Variants in DOCK7 observed in about 807,000 individuals in gnomAD.
DOCK7 encodes dedicator of cytokinesis 7, also known as dedicator of cytokinesis protein 7.
DOCK7 carries 138 observed loss-of-function variants against 271.0 expected under a neutral mutation model. The ratio of observed to expected loss-of-function variants is 0.51; its 90% CI spans 0.44 to 0.59. The LOEUF (loss-of-function observed/expected upper bound fraction) is 0.59. DOCK7 is among the 20% of genes least tolerant of loss of function. DOCK7 has a pLI of 0.00. For missense variants in DOCK7, 2,066 were observed against 2,592.4 expected (o/e 0.80, Z 4.41); for synonymous variants, 823 against 876.1 (o/e 0.94, Z 1.07).
rs202156787 is a variant in DOCK7 at position 62,642,880 on chromosome 1, C to CA, written c.818+4810dup. Reference sequence around the variant, plus strand: ...TATTTACCTCATCATTTGCAGATTTCAAAAAAATGAATGCAAATTCTTTGC... The same window carrying CA: ...TATTTACCTCATCATTTGCAGATTTCAAAAAAAATGAATGCAAATTCTTTGC... On this transcript the variant is annotated intron_variant, in intron 7 of 49. Transcript: ENST00000635253. 9.4e-3 allele frequency among the ~76,000 whole-genome samples: 1,429 copies of CA among 152,156 alleles called. 7 individuals carry two copies. Among genetic ancestry groups the CA allele is most frequent in the Non-Finnish European group, 0.014 (949 of 67,982 alleles).
At chr1:62,684,561 T>A (rs2149785010) in intron 1 of DOCK7, among the ~76,000 whole-genome samples, 1 of 152,310 alleles carries the variant, frequency 6.6e-6, no homozygotes, top group Admixed American at 6.5e-5. Flanking sequence ...ATTTTCTGCC[T>A]CTCTGGGTTA....
chr1:62,608,069 G>A (rs764903375), intron 14 of DOCK7: 4 of 152,100 alleles, frequency 2.6e-5, no homozygotes, highest in Non-Finnish European at 2.9e-5. Context: ...GCAACAGAGT[G>A]AGACTCTGTC....
intron 44 of DOCK7, among the ~76,000 whole-genome samples, 167 bp downstream of exon 44, chr1:62,477,533 A>T (rs1467472077): frequency 6.6e-6 from 1 of 152,246 alleles, no homozygotes; most frequent in Non-Finnish European, 1.5e-5. Flanking sequence ...CTGCCATAAA[A>T]GATTTGAAAG....
At chr1:62,659,159 A>G (rs1486431238) in intron 2 of DOCK7, among the ~76,000 whole-genome samples, 2 of 152,212 alleles carry the variant, frequency 1.3e-5, no homozygotes, top group African/African-American at 4.8e-5. Context: ...AGCACGAGCA[A>G]AAAATATAGG....
In DOCK7 at chr1:62,585,631, C is replaced by T. The variant is rs149418274; in HGVS notation, c.1800+876G>A. On this transcript the variant is annotated intron_variant, in intron 15 of 49. Transcript: ENST00000635253. Reference sequence around the variant, plus strand: ...AACTCACCACTGTCATTACTGTTCACAGGCATTCCCCAACTTGAAATGCTT... The same window carrying T: ...AACTCACCACTGTCATTACTGTTCATAGGCATTCCCCAACTTGAAATGCTT... 3.6e-3 allele frequency among the ~76,000 whole-genome samples: 554 copies of T among 152,254 alleles called. 2 individuals carry two copies. The highest frequency in any genetic ancestry group is 0.013 in the African/African-American group (536 of 41,554).
chr1:62,498,837 T>G (rs1228173424), intron 37 of DOCK7, among the ~76,000 whole-genome samples: 1 of 151,980 alleles, frequency 6.6e-6, no homozygotes, highest in Non-Finnish European at 1.5e-5. Context: ...AGTCTTACTC[T>G]GTCACCCAGG....
In DOCK7 at chr1:62,497,967, T is replaced by TA. The variant is rs565062430; in HGVS notation, c.4765-1471dup. 2.3e-3 allele frequency among the ~76,000 whole-genome samples: 335 copies of TA among 148,460 alleles called. 3 individuals carry two copies. Among genetic ancestry groups the TA allele is most frequent in the Admixed American group, 0.011 (170 of 14,832 alleles). On this transcript the variant is annotated intron_variant, in intron 37 of 49. Coordinates refer to ENST00000635253, the MANE Select transcript of DOCK7 (RefSeq NM_001367561.1). The stretch of plus-strand genomic sequence containing the variant: ...AGCCATAACCATCAAAAAGTGCTTT[T>TA]AAAAAAAAAAGGGGGCTGGGCATGG...
At chr1:62,635,029 A>C in intron 8 of DOCK7, 107 bp from the exon 9 acceptor site, 1 of 585,752 alleles carries the variant, frequency 1.7e-6, no homozygotes, top group African/African-American at 1.9e-5. Context: ...TTTCAATGAA[A>C]CAATAATCTG....
intron 14 of DOCK7, among the ~76,000 whole-genome samples, chr1:62,600,847 A>T (rs151095319): frequency 1.4e-3 from 207 of 151,928 alleles, no homozygotes; most frequent in African/African-American, 4.8e-3. Flanking sequence ...TTTCCGACCA[A>T]TGTCTGCTTT....
At chr1:62,515,416 GAC>G (rs1415076033) in intron 31 of DOCK7, among the ~76,000 whole-genome samples, 1 of 152,174 alleles carries the variant, frequency 6.6e-6, no homozygotes, top group Non-Finnish European at 1.5e-5. Context: ...TTATTTTAAA[GAC>G]AGACACTTTT....
intron 7 of DOCK7, among the ~76,000 whole-genome samples, chr1:62,643,065 A>C (rs1656232911): frequency 6.6e-6 from 1 of 152,132 alleles, no homozygotes; most frequent in Non-Finnish European, 1.5e-5. Context: ...CCCTTCCACC[A>C]CTACATGAAC....
chr1:62,586,371 C>T, intron 15 of DOCK7, 136 bp downstream of exon 15: 1 of 612,924 alleles, frequency 1.6e-6, no homozygotes. Context: ...ACTATCTATA[C>T]AGAAAGTAAT....
intron 14 of DOCK7, among the ~76,000 whole-genome samples, chr1:62,594,315 T>G (rs1242812844): frequency 6.6e-6 from 1 of 152,042 alleles, no homozygotes; most frequent in Non-Finnish European, 1.5e-5. Flanking sequence ...CTGCAGTTTA[T>G]AATTAGGCAA....
At chr1:62,688,166 G>A in intron 1 of DOCK7, 61 bp downstream of exon 1, 1 of 1,325,042 alleles carries the variant, frequency 7.5e-7, no homozygotes, top group East Asian at 3.4e-5. Flanking sequence ...GCCAGGCCTG[G>A]GAGGACTCCG....
chr1:62,598,766 T>C, intron 14 of DOCK7: 1 of 1,610,026 alleles, frequency 6.2e-7, no homozygotes. Flanking sequence ...TATAAACAAT[T>C]AAACCAACAG....
chr1:62,618,352 A>C lies in DOCK7; in HGVS notation c.1682+354T>G, dbSNP rs371211115. Among the ~76,000 whole-genome samples, 5 of 152,308 alleles carry C rather than the reference A, an allele frequency of 3.3e-5. No individual in the cohort carries two copies. The East Asian group carries it at 9.6e-4, about 29-fold the overall frequency. On this transcript the variant is annotated intron_variant, in intron 14 of 49. Coordinates refer to ENST00000635253, the MANE Select transcript of DOCK7 (RefSeq NM_001367561.1). ...AGTAATTAGGAGTTCAAATGTTTTA[A>C]CCTAAAGGCCCAGGAATCAAATCCC...
In DOCK7 at chr1:62,512,021, A is replaced by G. The variant is rs1571348409; in HGVS notation, c.4283-1348T>C. Among the ~76,000 whole-genome samples the G allele has an allele frequency of 2.0e-5, 3 of 152,320 alleles. No individual in the cohort carries two copies. The South Asian group carries it at 6.2e-4, about 32-fold the overall frequency. ...ATAAGACAAGAAGACTTCAATTGTT[A>G]TATTCAAACAAACCCAAAAGTACAC... is the stretch of plus-strand genomic sequence containing the variant. On this transcript the variant is annotated intron_variant, in intron 33 of 49. Transcript: ENST00000635253.
At chr1:62,473,729 G>A (rs193056241) in intron 48 of DOCK7, among the ~76,000 whole-genome samples, 2 of 152,064 alleles carry the variant, frequency 1.3e-5, no homozygotes, top group African/African-American at 4.8e-5. Context: ...CACTACAGGC[G>A]CACAACCTAC....
chr1:62,617,590 A>G lies in DOCK7; in HGVS notation c.1682+1116T>C, dbSNP rs543925299. Among the ~76,000 whole-genome samples, 81 of 152,162 alleles carry G rather than the reference A, an allele frequency of 5.3e-4. No individual in the cohort carries two copies. The East Asian group carries it at 0.015, about 28-fold the overall frequency. On this transcript the variant is annotated intron_variant, in intron 14 of 49. Coordinates refer to ENST00000635253, the MANE Select transcript of DOCK7 (RefSeq NM_001367561.1). ...AATGTGCTTTAACTATAAAATACAC[A>G]CTAGATTTTGAAGTTAGCAGAAGAG...
Sources: allele counts gnomAD v4.1 joint callset (sites outside exome capture counted in the v4.1 genomes callset), GRCh38; gene constraint gnomAD v4.1.1; transcripts MANE v1.5; gene names NCBI Gene and HGNC (gene_info 2026-07-23, HGNC 2026-07-21).